Variants in ETFB observed in about 807,000 individuals in gnomAD.
ETFB encodes the protein electron transfer flavoprotein subunit beta.
In ETFB, 20 loss-of-function variants were observed where a neutral mutation model predicts 25.6. That is an observed-to-expected ratio of 0.78 (90% CI 0.55 to 1.14). The LOEUF (loss-of-function observed/expected upper bound fraction) is 1.14. Ranked by LOEUF, ETFB falls within the 50% of genes most tolerant of loss-of-function variation. The probability of loss-of-function intolerance (pLI) is 0.00; values close to 1 mark genes in which losing one functional copy is unlikely to be tolerated. For missense variants in ETFB, 286 were observed against 342.6 expected, an observed-to-expected ratio of 0.83 and a Z score of 1.30; for synonymous variants, 142 against 146.7, an observed-to-expected ratio of 0.97 and a Z score of 0.23.
At chr19:51,349,262 G>C (rs1260755733) in intron 4 of ETFB, among the ~76,000 whole-genome samples, 5 of 152,080 alleles carry the variant, frequency 3.3e-5, no homozygotes, top group Non-Finnish European at 5.9e-5. Flanking sequence ...TTCAATTTAT[G>C]ATGGATTTAT....
intron 1 of ETFB, chr19:51,354,908 T>C (rs1986039640): frequency 6.8e-6 from 3 of 441,494 alleles, no homozygotes; most frequent in East Asian, 8.6e-5. Flanking sequence ...GTGGTCTCTG[T>C]GGGAACTTGC....
chr19:51,346,821 G>A (rs1202728125), intron 5 of ETFB, 79 bp downstream of exon 5: 13 of 1,407,792 alleles, frequency 9.2e-6, no homozygotes, highest in African/African-American at 2.8e-5. Flanking sequence ...CCCTCCCCAC[G>A]TGCGACCACC....
At chr19:51,353,104 G>A in intron 3 of ETFB, 28 bp downstream of exon 3, 1 of 1,613,434 alleles carries the variant, frequency 6.2e-7, no homozygotes, top group Non-Finnish European at 8.5e-7. Flanking sequence ...ATGAGCAAGG[G>A]GGCACAGGGA....
intron 3 of ETFB, among the ~76,000 whole-genome samples, chr19:51,351,918 T>G (rs1428640833): frequency 6.6e-6 from 1 of 151,952 alleles, no homozygotes; most frequent in Non-Finnish European, 1.5e-5. Context: ...GCCTTCCTTC[T>G]CAGCCTCATC....
chr19:51,353,342 G>A, intron 2 of ETFB, 52 bp from the exon 3 acceptor site: 1 of 1,608,910 alleles, frequency 6.2e-7, no homozygotes. Flanking sequence ...GGGGACCTAG[G>A]AGTCTGGCTC....
chr19:51,357,592 C>T lies in ETFB; in HGVS notation c.58-3284G>A, dbSNP rs527706841. The stretch of plus-strand genomic sequence containing the variant: ...GCAACCTCTGCCTCCCCAGTTCAAG[C>T]GATTCTCCTGCCTCAGCCTCCTGAG... On this transcript the variant is annotated intron_variant, in intron 1 of 5. Coordinates refer to ENST00000309244, the MANE Select transcript of ETFB (RefSeq NM_001985.3). Among the ~76,000 whole-genome samples the T allele has an allele frequency of 3.4e-5, 5 of 148,036 alleles. No homozygotes were observed. The South Asian group carries it at 1.1e-3, about 31-fold the overall frequency.
At chr19:51,361,785 A>G (rs923611365) in intron 1 of ETFB, 3 of 142,282 alleles carry the variant, frequency 2.1e-5, no homozygotes, top group African/African-American at 5.4e-5. Flanking sequence ...GTTCACTGCA[A>G]CCTCCGCCTC....
intron 1 of ETFB, among the ~76,000 whole-genome samples, chr19:51,359,087 C>T (rs528980917): frequency 1.3e-5 from 2 of 151,724 alleles, no homozygotes; most frequent in South Asian, 2.1e-4. Flanking sequence ...TCATCTCTCT[C>T]GTTGCCCAGG....
At chr19:51,357,480 T>A (rs12979665) in intron 1 of ETFB, among the ~76,000 whole-genome samples, 2 of 131,200 alleles carry the variant, frequency 1.5e-5, no homozygotes, top group African/African-American at 5.6e-5. Flanking sequence ...AATCCTTTTT[T>A]TCTTTCTTTC....
chr19:51,351,437 T>G (rs568705718), intron 3 of ETFB, among the ~76,000 whole-genome samples: 8 of 152,252 alleles, frequency 5.3e-5, no homozygotes, highest in Non-Finnish European at 1.0e-4. Flanking sequence ...CAGTTTGAGT[T>G]GTGAATCTGC....
chr19:51,361,505 G>A (rs1393134383), intron 1 of ETFB, among the ~76,000 whole-genome samples: 1 of 152,114 alleles, frequency 6.6e-6, no homozygotes, highest in African/African-American at 2.4e-5. Flanking sequence ...GAGCAGGAGG[G>A]GCAAGTGCGT....
At position 51,345,310 on chromosome 19, in the gene ETFB, A is replaced by G. The variant is rs1599837433; in HGVS notation, c.669T>C (p.Ser223=). The G allele has an allele frequency of 6.2e-7, 1 of 1,614,062 alleles. No homozygotes were observed. Among genetic ancestry groups the G allele is most frequent in the African/African-American group, 1.3e-5 (1 of 74,998 alleles). The change falls in exon 6 of 6, where the codon TCT becomes TCC. Residue 223 remains serine, a synonymous_variant. Transcript: ENST00000309244. ...DLGVDLTSKL[S]VISVEDPPQR... The stretch of plus-strand genomic sequence containing the variant: ...GGGGCGGGTCCTCCACACTGATCAC[A>G]GAGAGCTTGGAGGTCAGGTCCACAC...
intron 1 of ETFB, among the ~76,000 whole-genome samples, chr19:51,364,043 C>T (rs1295679937): frequency 6.6e-6 from 1 of 152,112 alleles, no homozygotes; most frequent in South Asian, 2.1e-4. Flanking sequence ...GAGCCACAGG[C>T]AGGCTGGGAG....
At position 51,366,340 on chromosome 19, in the gene ETFB, C is replaced by G; in HGVS notation, c.-14G>C. On this transcript the variant is annotated 5_prime_UTR_variant, in exon 1 of 6. Transcript: ENST00000309244. ...CAGCTCCGCCATCTTCCCGCCGCAG[C>G]CACTTACAGGGTCAGCCCGCACCCT... is the stretch of plus-strand genomic sequence containing the variant. 6.2e-7 allele frequency: 1 copy of G among 1,612,384 alleles called. No homozygotes were observed. Among genetic ancestry groups the G allele is most frequent in the Non-Finnish European group, 8.5e-7 (1 of 1,179,822 alleles).
At chr19:51,363,028 C>A (rs1264544887) in intron 1 of ETFB, among the ~76,000 whole-genome samples, 1 of 152,172 alleles carries the variant, frequency 6.6e-6, no homozygotes. Flanking sequence ...TAGGTTGGCT[C>A]CTTGAACTTT....
intron 1 of ETFB, among the ~76,000 whole-genome samples, chr19:51,360,975 C>T (rs1404833725): frequency 1.3e-5 from 2 of 151,664 alleles, no homozygotes; most frequent in East Asian, 3.9e-4. Flanking sequence ...TTAGTAGAGA[C>T]AAGGTCTCAC....
At chr19:51,364,074 T>C (rs1986293566) in intron 1 of ETFB, among the ~76,000 whole-genome samples, 1 of 151,784 alleles carries the variant, frequency 6.6e-6, no homozygotes, top group African/African-American at 2.4e-5. Context: ...CAGGGTGAGC[T>C]CTGGGTGCAG....
At chr19:51,345,579 G>A (rs1411646927) in intron 5 of ETFB, 198 bp from the exon 6 acceptor site, 3 of 627,148 alleles carry the variant, frequency 4.8e-6, no homozygotes, top group Non-Finnish European at 8.6e-6. Context: ...GAGGCCCTGG[G>A]AGGCCCAACT....
Position 51,353,276 on chromosome 19 carries a change from G to A in ETFB, c.231C>T (p.Thr77=), listed in dbSNP as rs147509776. The A allele has an allele frequency of 2.7e-5, 43 of 1,613,880 alleles. No homozygotes were observed. The highest frequency in any genetic ancestry group is 2.1e-5 in the Non-Finnish European group (25 of 1,179,992). Residue 77 remains threonine, a synonymous_variant, in exon 3 of 6, where the codon ACC becomes ACT. Coordinates refer to ENST00000309244, the MANE Select transcript of ETFB (RefSeq NM_001985.3). The part of the protein sequence containing the change: ...GPAQCQETIR[T]ALAMGADRGI... ...CTCGGTCTGCACCCATGGCCAGGGC[G>A]GTACGAATCGTCTCCTGCCAAGGAC... is the stretch of plus-strand genomic sequence containing the variant.
Sources: gnomAD v4.1 joint callset for allele counts (sites outside exome capture counted in the v4.1 genomes callset) on GRCh38, gnomAD v4.1.1 for gene constraint, MANE v1.5 for transcripts, NCBI Gene and HGNC (gene_info 2026-07-23, HGNC 2026-07-21) for gene names.